Variants in MRTFB observed in about 807,000 individuals in gnomAD.
MRTFB encodes myocardin related transcription factor B.
In MRTFB, 29 loss-of-function variants were observed where a neutral mutation model predicts 104.2. The observed-to-expected ratio is 0.28, with a 90% confidence interval of 0.21 to 0.38. MRTFB has a LOEUF of 0.38. MRTFB is among the 10% of genes least tolerant of loss of function. The pLI is 1.00. For missense variants in MRTFB, 1,270 were observed against 1,341.6 expected, an observed-to-expected ratio of 0.95 and a Z score of 0.83; for synonymous variants, 535 against 519.5, an observed-to-expected ratio of 1.03 and a Z score of -0.41.
At chr16:14,134,952 T>G (rs2037632929) in intron 2 of MRTFB, among the ~76,000 whole-genome samples, 1 of 152,230 alleles carries the variant, frequency 6.6e-6, no homozygotes, top group Non-Finnish European at 1.5e-5. Flanking sequence ...AAGTCTAGAT[T>G]AGATTTAGTG....
intron 2 of MRTFB, among the ~76,000 whole-genome samples, chr16:14,118,599 C>T (rs912844549): frequency 9.9e-5 from 15 of 151,492 alleles, no homozygotes; most frequent in African/African-American, 3.4e-4. Context: ...CTCAAGAGTT[C>T]GAGACCGGTC....
chr16:14,182,301 C>T (rs916748159), intron 3 of MRTFB, among the ~76,000 whole-genome samples: 1 of 152,108 alleles, frequency 6.6e-6, no homozygotes, highest in Non-Finnish European at 1.5e-5. Context: ...TTAGCCACAG[C>T]AGTGGCAGTG....
chr16:14,015,708 C>T, the MRTFB span, among the ~76,000 whole-genome samples: 67 of 152,162 alleles, frequency 4.4e-4, no homozygotes, highest in African/African-American at 1.4e-3. Context: ...GGTTTTCTGC[C>T]GCACACAGCT....
chr16:14,089,524 A>T (rs558771582), intron 2 of MRTFB, among the ~76,000 whole-genome samples: 1 of 152,278 alleles, frequency 6.6e-6, no homozygotes, highest in African/African-American at 2.4e-5. Flanking sequence ...TTATTTCTTC[A>T]TCAGTTGATG....
At chr16:14,027,889 G>A in the MRTFB span, among the ~76,000 whole-genome samples, 1 of 152,204 alleles carries the variant, frequency 6.6e-6, no homozygotes, top group African/African-American at 2.4e-5. Context: ...TTAACAAGCA[G>A]CTGTGGGCTG....
At chr16:14,249,111 T>C in intron 13 of MRTFB, 30 bp downstream of exon 13, 4 of 1,606,170 alleles carry the variant, frequency 2.5e-6, no homozygotes, top group Non-Finnish European at 3.4e-6. Context: ...CAATAGAATG[T>C]CGCTGATTTT....
chr16:14,017,351 C>A, the MRTFB span, among the ~76,000 whole-genome samples: 1 of 151,000 alleles, frequency 6.6e-6, no homozygotes, highest in Non-Finnish European at 1.5e-5. Flanking sequence ...CCACCGCGCC[C>A]GGCCTGCTGC....
In MRTFB at chr16:14,100,411, G is replaced by A. The variant is rs185358457; in HGVS notation, c.-64+21057G>A. On this transcript the variant is annotated intron_variant, in intron 2 of 16. Coordinates refer to ENST00000571589, the MANE Select transcript of MRTFB (RefSeq NM_001308142.2). ...AATAGGGTGAATTGTATTGTGTATC[G>A]CATGGTAAACCAGCCTTACATTCCT... is the stretch of plus-strand genomic sequence containing the variant. 6.6e-5 allele frequency among the ~76,000 whole-genome samples: 10 copies of A among 152,190 alleles called. No homozygotes were observed. The East Asian group carries it at 7.7e-4, about 12-fold the overall frequency.
intron 2 of MRTFB, among the ~76,000 whole-genome samples, chr16:14,121,437 C>T (rs2036840024): frequency 1.3e-5 from 2 of 152,038 alleles, no homozygotes; most frequent in Admixed American, 1.3e-4. Flanking sequence ...AGCGATGTCA[C>T]GATGCTCCAA....
the MRTFB span, among the ~76,000 whole-genome samples, chr16:14,038,926 A>G: frequency 6.6e-6 from 1 of 152,186 alleles, no homozygotes; most frequent in Non-Finnish European, 1.5e-5. Flanking sequence ...AGATAGAATG[A>G]GAACCAACTG....
the MRTFB span, among the ~76,000 whole-genome samples, chr16:14,041,926 C>CA: frequency 0.014 from 2,104 of 151,530 alleles, 26 homozygotes; most frequent in Non-Finnish European, 0.023. Flanking sequence ...AACTCTGTCT[C>CA]AAAAAAAATA....
At chr16:14,145,508 G>A (rs894880481) in intron 3 of MRTFB, among the ~76,000 whole-genome samples, 4 of 152,118 alleles carry the variant, frequency 2.6e-5, no homozygotes, top group Admixed American at 6.5e-5. Flanking sequence ...ATAGTGGAGC[G>A]GCAGGATATT....
the MRTFB span, among the ~76,000 whole-genome samples, chr16:14,047,675 A>G: frequency 2.0e-4 from 30 of 152,368 alleles, no homozygotes; most frequent in Non-Finnish European, 3.2e-4. Context: ...GAAACCCCTT[A>G]TAAAACCATC....
the MRTFB span, among the ~76,000 whole-genome samples, chr16:14,057,417 A>G: frequency 2.2e-4 from 33 of 152,112 alleles, no homozygotes; most frequent in Admixed American, 2.0e-3. Context: ...TGTCCCCTTC[A>G]TCTTCCAACA....
the MRTFB span, among the ~76,000 whole-genome samples, chr16:14,036,286 TTATATATATTTATATA>T: frequency 2.4e-5 from 1 of 41,220 alleles, no homozygotes; most frequent in South Asian, 1.8e-3. Flanking sequence ...TATATGTATT[TTATATATATTTATATA>T]TATATATATA....
Position 14,261,097 on chromosome 16 carries a change from T to G in MRTFB, c.2953T>G (p.Phe985Val). ...CAGCTTAGAGAACCAACTAGAAGCT[T>G]TCTTGGATGGAACTTTACCCTCAGC... ...SASLENQLEA[F>V]LDGTLPSANE... Residue 985 changes from phenylalanine (F) to valine (V), a missense_variant, in exon 17 of 17, where the codon TTC becomes GTC. By Grantham distance (50) the Phe-to-Val change is conservative. This residue lies in a region of MRTFB where 1,144 missense variants were observed against 1,131.5 expected (regional missense o/e 1.01). Transcript: ENST00000571589. The G allele has an allele frequency of 6.2e-7, 1 of 1,614,144 alleles. No homozygotes were observed. Among genetic ancestry groups the G allele is most frequent in the Non-Finnish European group, 8.5e-7 (1 of 1,180,022 alleles).
chr16:14,174,216 C>G (rs2039510251), intron 3 of MRTFB, among the ~76,000 whole-genome samples: 1 of 152,098 alleles, frequency 6.6e-6, no homozygotes, highest in Admixed American at 6.6e-5. Context: ...TATTTTTTAT[C>G]TACATCATCT....
the MRTFB span, among the ~76,000 whole-genome samples, chr16:14,049,492 G>A: frequency 5.3e-5 from 8 of 152,304 alleles, no homozygotes; most frequent in Non-Finnish European, 1.2e-4. Context: ...AAAGACTGAG[G>A]AACTGTTCCA....
At chr16:14,229,310 T>C (rs985913702) in intron 8 of MRTFB, among the ~76,000 whole-genome samples, 10 of 148,202 alleles carry the variant, frequency 6.7e-5, no homozygotes, top group Admixed American at 4.8e-4. Flanking sequence ...TATTCATCTA[T>C]TAAATATGCA....
Sources: gnomAD v4.1 joint callset for allele counts (sites outside exome capture counted in the v4.1 genomes callset) on GRCh38, gnomAD v4.1.1 for gene constraint, gnomAD v4.1.1 regional missense constraint, MANE v1.5 for transcripts, NCBI Gene and HGNC (gene_info 2026-07-23, HGNC 2026-07-21) for gene names.